The following AIG1 variants were observed in gnomAD, a reference collection of about 807,000 sequenced individuals.
AIG1 encodes the protein androgen induced 1.
A neutral mutation model predicts 31.4 loss-of-function variants in AIG1; 23 were observed. That is an observed-to-expected ratio of 0.73 (90% CI 0.53 to 1.04). The LOEUF (loss-of-function observed/expected upper bound fraction) is 1.04, where lower values mean the gene tolerates loss of function less well. AIG1 is among the 50% of genes least tolerant of loss of function. The probability of loss-of-function intolerance (pLI) is 0.00; values close to 1 mark genes in which losing one functional copy is unlikely to be tolerated. For missense variants in AIG1, 274 were observed against 295.0 expected, an observed-to-expected ratio of 0.93 and a Z score of 0.52; for synonymous variants, 100 against 110.5, an observed-to-expected ratio of 0.90 and a Z score of 0.60.
At chr6:143,336,251 C>G (rs1777482831) in intron 5 of AIG1, among the ~76,000 whole-genome samples, 1 of 152,184 alleles carries the variant, frequency 6.6e-6, no homozygotes, top group African/African-American at 2.4e-5. Context: ...TAGCTCAACT[C>G]TGTCTACTTG....
At chr6:143,071,225 A>G (rs963728109) in intron 1 of AIG1, among the ~76,000 whole-genome samples, 1 of 152,216 alleles carries the variant, frequency 6.6e-6, no homozygotes, top group African/African-American at 2.4e-5. Flanking sequence ...AAAAATCAGA[A>G]TAATTACCTA....
intron 4 of AIG1, among the ~76,000 whole-genome samples, chr6:143,306,318 C>T (rs1181320406): frequency 2.0e-5 from 3 of 152,160 alleles, no homozygotes; most frequent in African/African-American, 4.8e-5. Context: ...TTCTTCCTAG[C>T]CTTGATGGTC....
At position 143,213,965 on chromosome 6, in the gene AIG1, A is replaced by G. The variant is rs536628315; in HGVS notation, c.399+48782A>G. ...AAATAATGCAAGATGGACTATAATC[A>G]AATAGAAAGCTGGAATGCTAGAGAA... On this transcript the variant is annotated intron_variant, in intron 3 of 5. Coordinates refer to ENST00000357847, the MANE Select transcript of AIG1 (RefSeq NM_016108.4). Among the ~76,000 whole-genome samples, 8 of 152,334 alleles carry G rather than the reference A, an allele frequency of 5.3e-5. No homozygotes were observed. The East Asian group carries it at 7.7e-4, about 15-fold the overall frequency.
intron 1 of AIG1, among the ~76,000 whole-genome samples, chr6:143,065,501 T>C (rs998517531): frequency 6.7e-6 from 1 of 149,200 alleles, no homozygotes; most frequent in East Asian, 2.0e-4. Flanking sequence ...AAAATGATTA[T>C]GCTGTGTGTT....
chr6:143,088,003 A>C (rs1778959010), intron 1 of AIG1, among the ~76,000 whole-genome samples: 1 of 152,216 alleles, frequency 6.6e-6, no homozygotes, highest in African/African-American at 2.4e-5. Context: ...TATCAGGCAC[A>C]TTTGGTTTGG....
Position 143,310,178 on chromosome 6 carries a change from A to G in AIG1, c.516-23104A>G, listed in dbSNP as rs563876920. Among the ~76,000 whole-genome samples, 16 of 152,056 alleles carry G rather than the reference A, an allele frequency of 1.1e-4. No individual in the cohort carries two copies. The South Asian group carries it at 3.3e-3, about 31-fold the overall frequency. ...CATCTATAGAATATTTTATTCATCA[A>G]AAGCAGACTACACATTCCACTCAAG... is the stretch of plus-strand genomic sequence containing the variant. On this transcript the variant is annotated intron_variant, in intron 4 of 5. Transcript: ENST00000357847.
intron 1 of AIG1, among the ~76,000 whole-genome samples, chr6:143,064,131 A>G (rs1356000145): frequency 1.3e-5 from 2 of 152,226 alleles, no homozygotes; most frequent in African/African-American, 4.8e-5. Flanking sequence ...CATGCCAGGA[A>G]CCTGTGAATA....
At chr6:143,198,074 C>A (rs1312450987) in intron 3 of AIG1, among the ~76,000 whole-genome samples, 1 of 152,106 alleles carries the variant, frequency 6.6e-6, no homozygotes, top group Admixed American at 6.5e-5. Flanking sequence ...AATTATCAGA[C>A]CCTGTGACCT....
At position 143,297,537 on chromosome 6, in the gene AIG1, G is replaced by A. The variant is rs1375717792; in HGVS notation, c.515+13312G>A. On this transcript the variant is annotated intron_variant, in intron 4 of 5. Coordinates refer to ENST00000357847, the MANE Select transcript of AIG1 (RefSeq NM_016108.4). This position sits in a 1 kb window ranked among gnomAD's most constrained non-coding sequence, Gnocchi z 5.1. ...GGGTGGTTGGATGGATGGTTGGGTG[G>A]TTGGATGGCTGGGTGATTGGATGGT... Among the ~76,000 whole-genome samples the A allele has an allele frequency of 2.1e-5, 3 of 143,718 alleles. No homozygotes were observed. Among genetic ancestry groups the A allele is most frequent in the Non-Finnish European group, 3.1e-5 (2 of 65,116 alleles). 94.3% of individuals were successfully genotyped at this position (143,718 alleles called of 152,430 possible). A position where few individuals can be genotyped will look rare whatever the true frequency, so the allele number is the denominator to read the frequency against.
chr6:143,339,976 T>C lies in AIG1; in HGVS notation c.*300T>C, dbSNP rs971591295. ...CCTTGGATTTTTATTTTGGCAATTG[T>C]AACTCCATCTAATCAAGAAAGAATA... On this transcript the variant is annotated 3_prime_UTR_variant, in exon 6 of 6. Transcript: ENST00000357847. 21 of 253,320 alleles carry C rather than the reference T, an allele frequency of 8.3e-5. No individual in the cohort carries two copies. The highest frequency in any genetic ancestry group is 1.2e-3 in the Middle Eastern group (1 of 838). The allele number at this position is 253,320 out of a possible 1,614,324, so 15.7% of individuals were successfully genotyped here. A position where few individuals can be genotyped will look rare whatever the true frequency, so the allele number is the denominator to read the frequency against.
intron 3 of AIG1, among the ~76,000 whole-genome samples, chr6:143,212,607 T>C (rs1791677478): frequency 6.6e-6 from 1 of 152,194 alleles, no homozygotes; most frequent in African/African-American, 2.4e-5. Flanking sequence ...CATTAATTTA[T>C]AGTAGCACTT....
intron 4 of AIG1, among the ~76,000 whole-genome samples, chr6:143,290,494 C>A (rs9399434): frequency 6.6e-6 from 1 of 152,124 alleles, no homozygotes; most frequent in East Asian, 1.9e-4. Context: ...AGGCATCCCC[C>A]CTTACCAGTT....
intron 3 of AIG1, among the ~76,000 whole-genome samples, chr6:143,266,866 A>G (rs1796194271): frequency 6.6e-6 from 1 of 152,182 alleles, no homozygotes. Context: ...GCTTGAGACC[A>G]GGATTTCAAG....
chr6:143,218,306 T>C (rs79423217), intron 3 of AIG1, among the ~76,000 whole-genome samples: 2,296 of 152,328 alleles, frequency 0.015, 45 homozygotes, highest in African/African-American at 0.053. Context: ...TTGGGTCACC[T>C]GCCCTAGCTG....
At position 143,322,829 on chromosome 6, in the gene AIG1, T is replaced by TTCTCCAGGG. The variant is rs371016784; in HGVS notation, c.516-10452_516-10444dup. On this transcript the variant is annotated intron_variant, in intron 4 of 5. Coordinates refer to ENST00000357847, the MANE Select transcript of AIG1 (RefSeq NM_016108.4). ...TGGGAGGCATTCACAATTTGCCTCT[T>TTCTCCAGGG]TCTCCAGGGATGGGCGGAGGGACTT... Among the ~76,000 whole-genome samples, 152 of 152,350 alleles carry TTCTCCAGGG rather than the reference T, an allele frequency of 1.0e-3. 1 individual carries two copies. Among genetic ancestry groups the TTCTCCAGGG allele is most frequent in the African/African-American group, 3.6e-3 (150 of 41,584 alleles).
intron 3 of AIG1, among the ~76,000 whole-genome samples, chr6:143,172,902 A>C (rs1787773300): frequency 6.6e-6 from 1 of 152,150 alleles, no homozygotes; most frequent in Non-Finnish European, 1.5e-5. Context: ...CTGTGGTATC[A>C]GTTGTAATGT....
chr6:143,317,732 T>C (rs1775884298), intron 4 of AIG1, among the ~76,000 whole-genome samples: 1 of 152,014 alleles, frequency 6.6e-6, no homozygotes, highest in Admixed American at 6.6e-5. Flanking sequence ...TATGATTGTA[T>C]ACCTAGAAAA....
chr6:143,104,281 C>T (rs529854056), intron 1 of AIG1, among the ~76,000 whole-genome samples: 2 of 152,318 alleles, frequency 1.3e-5, no homozygotes, highest in South Asian at 4.1e-4. Context: ...GAGCCTATTA[C>T]ATAAAAGTCT....
intron 3 of AIG1, chr6:143,187,280 A>T: frequency 1.1e-6 from 1 of 916,904 alleles, no homozygotes; most frequent in Non-Finnish European, 1.7e-6. Context: ...CTTGGCTTAA[A>T]CTGAGAATTT....
Sources: gnomAD v4.1 joint callset for allele counts (sites outside exome capture counted in the v4.1 genomes callset) on GRCh38, gnomAD v4.1.1 for gene constraint, Gnocchi (gnomAD v3.1) non-coding constraint, MANE v1.5 for transcripts, NCBI Gene and HGNC (gene_info 2026-07-23, HGNC 2026-07-21) for gene names.